Variants in SAMD13 observed in about 807,000 individuals in gnomAD.
SAMD13 encodes sterile alpha motif domain-containing protein 13.
Under a neutral mutation model 12.4 loss-of-function variants are expected in SAMD13, and 9 were observed. The observed-to-expected ratio is 0.72, with a 90% CI of 0.44 to 1.26. SAMD13 has a LOEUF of 1.26. Among genes scored for constraint, SAMD13 ranks in the 50% most tolerant of loss-of-function variants. The pLI, the probability that SAMD13 is intolerant of heterozygous loss-of-function variation, is 0.00. For missense variants in SAMD13, 84 were observed against 119.6 expected (o/e 0.70, Z 1.39); for synonymous variants, 46 against 45.4 (o/e 1.01, Z -0.05).
chr1:84,325,090 AAAG>A (rs1042529201), intron 2 of SAMD13, among the ~76,000 whole-genome samples: 5 of 152,214 alleles, frequency 3.3e-5, no homozygotes, highest in African/African-American at 1.2e-4. Flanking sequence ...TCTAGAAGTC[AAAG>A]GAGGTTATGA....
chr1:84,331,805 G>A (rs985000020), intron 3 of SAMD13, among the ~76,000 whole-genome samples: 2 of 151,976 alleles, frequency 1.3e-5, no homozygotes, highest in Non-Finnish European at 2.9e-5. Flanking sequence ...TGTGTGTCAC[G>A]GGGGTTTGAG....
intron 2 of SAMD13, among the ~76,000 whole-genome samples, chr1:84,309,122 AG>A (rs1678651142): frequency 6.6e-6 from 1 of 152,218 alleles, no homozygotes; most frequent in East Asian, 1.9e-4. Context: ...TTTTCAAGTA[AG>A]TAAACAGAAG....
intron 3 of SAMD13, among the ~76,000 whole-genome samples, chr1:84,346,064 A>G (rs888764671): frequency 3.9e-5 from 6 of 152,170 alleles, no homozygotes; most frequent in East Asian, 1.9e-4. Context: ...CAGGAATTCT[A>G]CTTCACAAAA....
chr1:84,320,539 C>G (rs1428632780), intron 2 of SAMD13, among the ~76,000 whole-genome samples: 2 of 152,178 alleles, frequency 1.3e-5, no homozygotes, highest in Non-Finnish European at 2.9e-5. Context: ...ACGGAAATAA[C>G]GCTAATGCTC....
chr1:84,301,026 G>A (rs1036318054), upstream of SAMD13, among the ~76,000 whole-genome samples: 3 of 152,134 alleles, frequency 2.0e-5, no homozygotes, highest in African/African-American at 4.8e-5. Context: ...GTAGAATAAG[G>A]TTTTGTTTGT....
intron 2 of SAMD13, among the ~76,000 whole-genome samples, chr1:84,310,902 G>A (rs999322885): frequency 6.6e-6 from 1 of 152,112 alleles, no homozygotes; most frequent in Non-Finnish European, 1.5e-5. Flanking sequence ...ATTGCACTCT[G>A]AAAAGTTGCA....
chr1:84,311,654 G>A (rs1489931045), intron 2 of SAMD13, among the ~76,000 whole-genome samples: 3 of 152,162 alleles, frequency 2.0e-5, no homozygotes, highest in Non-Finnish European at 1.5e-5. Context: ...GTGGAATGAA[G>A]CAGTAAGAAA....
intron 2 of SAMD13, among the ~76,000 whole-genome samples, chr1:84,323,643 A>C (rs548623848): frequency 6.6e-6 from 1 of 152,162 alleles, no homozygotes; most frequent in African/African-American, 2.4e-5. Flanking sequence ...GGTTCCTGCT[A>C]TGGGCAAAAC....
At chr1:84,299,676 T>TACAC, upstream of SAMD13, 1 of 590,692 alleles carries the variant, frequency 1.7e-6, no homozygotes, top group Non-Finnish European at 2.3e-6. Context: ...TATATATATA[T>TACAC]TTATTTATTT....
intron 2 of SAMD13, among the ~76,000 whole-genome samples, chr1:84,305,291 C>T (rs1678543528): frequency 6.6e-6 from 1 of 152,018 alleles, no homozygotes; most frequent in African/African-American, 2.4e-5. Context: ...TGCTTATTTG[C>T]CATTCATGTA....
At chr1:84,298,560 G>T, upstream of SAMD13, 1 of 1,277,952 alleles carries the variant, frequency 7.8e-7, no homozygotes, top group African/African-American at 1.5e-5. Flanking sequence ...GCGCGGCCAT[G>T]CGGGGAGGTA....
At chr1:84,305,432 C>CT (rs1678548199) in intron 2 of SAMD13, among the ~76,000 whole-genome samples, 1 of 151,758 alleles carries the variant, frequency 6.6e-6, no homozygotes, top group Non-Finnish European at 1.5e-5. Flanking sequence ...AAAATATTTT[C>CT]TTTAAGTGTG....
At chr1:84,322,578 A>G (rs1310301304) in intron 2 of SAMD13, among the ~76,000 whole-genome samples, 1 of 152,214 alleles carries the variant, frequency 6.6e-6, no homozygotes, top group African/African-American at 2.4e-5. Flanking sequence ...GGTGCTACAA[A>G]GATGAAGATA....
chr1:84,312,274 A>G (rs1216719774), intron 2 of SAMD13, among the ~76,000 whole-genome samples: 3 of 151,938 alleles, frequency 2.0e-5, no homozygotes, highest in African/African-American at 7.2e-5. Flanking sequence ...TTCTCTTGCT[A>G]TGTTCCAACA....
chr1:84,315,308 A>C (rs150920460), intron 2 of SAMD13, among the ~76,000 whole-genome samples: 230 of 152,192 alleles, frequency 1.5e-3, no homozygotes, highest in Middle Eastern at 6.8e-3. Context: ...AGTTTATTTT[A>C]GATACCTCAT....
At chr1:84,319,006 A>G (rs1678888713) in intron 2 of SAMD13, among the ~76,000 whole-genome samples, 2 of 152,226 alleles carry the variant, frequency 1.3e-5, no homozygotes, top group Non-Finnish European at 1.5e-5. Flanking sequence ...AGTTTCAATC[A>G]TTGCCAGCAG....
At chr1:84,333,499 G>T (rs1323484030) in intron 3 of SAMD13, among the ~76,000 whole-genome samples, 1 of 151,974 alleles carries the variant, frequency 6.6e-6, no homozygotes, top group Non-Finnish European at 1.5e-5. Context: ...TTCCTGATTT[G>T]GCTGTCAGCT....
intron 3 of SAMD13, among the ~76,000 whole-genome samples, chr1:84,346,651 C>T (rs1010837573): frequency 6.6e-6 from 1 of 152,176 alleles, no homozygotes; most frequent in Non-Finnish European, 1.5e-5. Context: ...TCTGCAAGAA[C>T]CTGTCTTCCA....
intron 2 of SAMD13, among the ~76,000 whole-genome samples, chr1:84,320,858 A>G (rs1469777249): frequency 1.3e-5 from 2 of 152,234 alleles, no homozygotes; most frequent in African/African-American, 4.8e-5. Flanking sequence ...ATTGATGAAT[A>G]TAATGGAGTT....
Sources: allele counts gnomAD v4.1 joint callset (sites outside exome capture counted in the v4.1 genomes callset), GRCh38; gene constraint gnomAD v4.1.1; transcripts MANE v1.5; gene names NCBI Gene and HGNC (gene_info 2026-07-23, HGNC 2026-07-21).